LMLN: variants seen among roughly 807,000 people sequenced by gnomAD.
The protein encoded by LMLN is leishmanolysin like peptidase.
LMLN carries 70 observed loss-of-function variants against 92.3 expected under a neutral mutation model. The observed-to-expected ratio is 0.76, with a 90% CI of 0.63 to 0.92. LMLN has a LOEUF of 0.92. Ranked by LOEUF, LMLN falls within the 40% of genes least tolerant of loss-of-function variation. The pLI, the probability that LMLN is intolerant of heterozygous loss-of-function variation, is 0.00. For missense variants in LMLN, 691 were observed against 814.6 expected (o/e 0.85, Z 1.85); for synonymous variants, 308 against 296.2 (o/e 1.04, Z -0.41).
chr3:198,007,871 T>G (rs1425323015), intron 11 of LMLN, among the ~76,000 whole-genome samples: 1 of 152,240 alleles, frequency 6.6e-6, no homozygotes, highest in Non-Finnish European at 1.5e-5. Flanking sequence ...TGCAGATTTT[T>G]TATACATGTT....
intron 11 of LMLN, among the ~76,000 whole-genome samples, chr3:198,001,330 A>C (rs1045845207): frequency 1.3e-5 from 2 of 152,202 alleles, no homozygotes; most frequent in African/African-American, 4.8e-5. Context: ...GTTGACTGCT[A>C]ATACAGAAAG....
chr3:197,967,924 G>C (rs1721104902), intron 1 of LMLN, among the ~76,000 whole-genome samples: 1 of 152,170 alleles, frequency 6.6e-6, no homozygotes, highest in Non-Finnish European at 1.5e-5. Context: ...TCTGCAACAA[G>C]AAAAATATGG....
intron 11 of LMLN, among the ~76,000 whole-genome samples, chr3:198,005,609 C>T (rs1722270772): frequency 6.6e-6 from 1 of 151,238 alleles, no homozygotes. Flanking sequence ...ATCATTTTTT[C>T]CCTGAATTTT....
chr3:197,976,589 G>A lies in LMLN; in HGVS notation c.432-9G>A. On this transcript the variant is annotated splice_polypyrimidine_tract_variant and intron_variant, in intron 4 of 15. Transcript: ENST00000330198. ...TGTATTTAAACTTTGATGTACAAATGGACTGAAGACAATGTGCAACAAACC... is the reference window on the plus strand; with the variant it reads ...TGTATTTAAACTTTGATGTACAAATAGACTGAAGACAATGTGCAACAAACC... 1 of 1,485,068 alleles carries A rather than the reference G, an allele frequency of 6.7e-7. No individual in the cohort carries two copies. 92.0% of individuals were successfully genotyped at this position (1,485,068 alleles called of 1,614,324 possible). A position where few individuals can be genotyped will look rare whatever the true frequency, so the allele number is the denominator to read the frequency against.
At chr3:197,996,995 T>C (rs190978920) in intron 10 of LMLN, among the ~76,000 whole-genome samples, 69 of 150,976 alleles carry the variant, frequency 4.6e-4, no homozygotes, top group Non-Finnish European at 8.4e-4. Flanking sequence ...TCTTTTGTTT[T>C]TTTTCTTTTC....
At chr3:197,980,761 C>T in intron 6 of LMLN, 1 of 346,884 alleles carries the variant, frequency 2.9e-6, no homozygotes, top group South Asian at 4.9e-5. Context: ...GCCTGCCGTT[C>T]CTCTTCCATT....
intron 11 of LMLN, among the ~76,000 whole-genome samples, chr3:198,015,975 G>A (rs1722628085): frequency 6.6e-6 from 1 of 152,106 alleles, no homozygotes; most frequent in Admixed American, 6.5e-5. Context: ...GAAGAGGGAA[G>A]ATGGCTTGAG....
exon 16 of LMLN, chr3:198,043,040 A>G (rs750210376): frequency 5.9e-5 from 9 of 152,240 alleles, no homozygotes; most frequent in Non-Finnish European, 1.3e-4. Flanking sequence ...CTTAAGGTTT[A>G]TCAATATTTG....
intron 11 of LMLN, among the ~76,000 whole-genome samples, chr3:198,007,399 T>TA (rs1375653425): frequency 2.0e-5 from 3 of 152,258 alleles, no homozygotes; most frequent in Non-Finnish European, 4.4e-5. Context: ...TGTGTACAGA[T>TA]AGGCAATGGC....
intron 8 of LMLN, among the ~76,000 whole-genome samples, chr3:197,986,703 T>G (rs1472464018): frequency 2.6e-5 from 4 of 152,070 alleles, no homozygotes; most frequent in African/African-American, 7.2e-5. Flanking sequence ...AAACAACCTC[T>G]CTAAGGCATG....
rs1348456397 is a variant in LMLN at position 198,019,051 on chromosome 3, A to G, written c.1233-202A>G. ...GGTGGTCAGTTAAACAAACTGTCAGATTATTGAGCAGAGAAAATTCCACTC... is the reference window on the plus strand; with the variant it reads ...GGTGGTCAGTTAAACAAACTGTCAGGTTATTGAGCAGAGAAAATTCCACTC... On this transcript the variant is annotated intron_variant, in intron 11 of 15. Transcript: ENST00000330198. This position sits in a 1 kb window ranked among gnomAD's most constrained non-coding sequence, Gnocchi z 5.5. Among the ~76,000 whole-genome samples the G allele has an allele frequency of 6.6e-6, 1 of 152,234 alleles. No individual in the cohort carries two copies. The highest frequency in any genetic ancestry group is 1.5e-5 in the Non-Finnish European group (1 of 68,042).
At chr3:197,968,152 AAAG>A (rs1721112197) in intron 1 of LMLN, among the ~76,000 whole-genome samples, 1 of 152,240 alleles carries the variant, frequency 6.6e-6, no homozygotes, top group African/African-American at 2.4e-5. Context: ...TTAAGAGATT[AAAG>A]TAAGACAGGC....
intron 11 of LMLN, among the ~76,000 whole-genome samples, chr3:198,001,843 G>A (rs1722182517): frequency 6.6e-6 from 1 of 151,948 alleles, no homozygotes; most frequent in African/African-American, 2.4e-5. Context: ...TATAGAGATG[G>A]GGTTTCGCCA....
At chr3:197,985,566 C>A (rs1383127532) in intron 7 of LMLN, 2 of 312,384 alleles carry the variant, frequency 6.4e-6, no homozygotes, top group African/African-American at 4.2e-5. Flanking sequence ...ATATATAATA[C>A]ATTTTAGAAA....
At chr3:198,027,181 C>G (rs192164458) in intron 14 of LMLN, among the ~76,000 whole-genome samples, 1 of 152,122 alleles carries the variant, frequency 6.6e-6, no homozygotes, top group African/African-American at 2.4e-5. Flanking sequence ...ATCCACATCC[C>G]GTCCACTTTC....
intron 12 of LMLN, among the ~76,000 whole-genome samples, chr3:198,021,148 C>A (rs1722771131): frequency 6.6e-6 from 1 of 152,096 alleles, no homozygotes; most frequent in East Asian, 1.9e-4. Flanking sequence ...CTTAAAACTT[C>A]TTTTTGCTCA....
chr3:198,018,267 T>C (rs1191665920), intron 11 of LMLN, among the ~76,000 whole-genome samples: 1 of 152,224 alleles, frequency 6.6e-6, no homozygotes, highest in African/African-American at 2.4e-5. Flanking sequence ...TCCATATTCA[T>C]TGGAAGCTTT....
chr3:198,043,518 C>T (rs1175230635), exon 16 of LMLN: 1 of 152,566 alleles, frequency 6.6e-6, no homozygotes, highest in East Asian at 1.9e-4. Context: ...GTCTGTGTTA[C>T]TCATTCTGAA....
In LMLN at chr3:197,984,066, T is replaced by C. The variant is rs746249903; in HGVS notation, c.834+18T>C. The C allele has an allele frequency of 1.7e-5, 25 of 1,481,020 alleles. No homozygotes were observed. The South Asian group carries it at 2.8e-4, about 17-fold the overall frequency. The allele number at this position is 1,481,020 out of a possible 1,614,324, so 91.7% of individuals were successfully genotyped here. ...ATGCCCTGGTAAATTCTAGCCTTAC[T>C]GTTCTTTCCTTCATGCCTTGATTTT... On this transcript the variant is annotated intron_variant, in intron 7 of 15. Coordinates refer to ENST00000330198, the Ensembl canonical transcript of LMLN.
Sources: gnomAD v4.1 joint callset for allele counts (sites outside exome capture counted in the v4.1 genomes callset) on GRCh38, gnomAD v4.1.1 for gene constraint, Gnocchi (gnomAD v3.1) non-coding constraint, MANE v1.5 for transcripts, NCBI Gene and HGNC (gene_info 2026-07-23, HGNC 2026-07-21) for gene names.